HDAC9: variants seen among roughly 807,000 people sequenced by gnomAD.
HDAC9 encodes the protein histone deacetylase 9.
Under a neutral mutation model 139.4 loss-of-function variants are expected in HDAC9, and 41 were observed. The ratio of observed to expected loss-of-function variants is 0.29; its 90% confidence interval spans 0.23 to 0.38. The LOEUF is 0.38. Among genes scored for constraint, HDAC9 ranks in the 10% least tolerant of loss-of-function variants. The pLI is 1.00. For missense variants in HDAC9, 1,147 were observed against 1,297.0 expected (o/e 0.88, Z 1.78); for synonymous variants, 517 against 476.2 (o/e 1.09, Z -1.12).
At chr7:18,424,707 G>A (rs921578879) in intron 1 of HDAC9, among the ~76,000 whole-genome samples, 4 of 152,152 alleles carry the variant, frequency 2.6e-5, no homozygotes, top group Non-Finnish European at 5.9e-5. Context: ...TCAGGAGTTT[G>A]AGGCCAGCCA....
At chr7:18,284,637 C>T (rs959689180) in intron 2 of HDAC9, among the ~76,000 whole-genome samples, 17 of 151,964 alleles carry the variant, frequency 1.1e-4, no homozygotes, top group Non-Finnish European at 1.9e-4. Context: ...AGAACTTGGC[C>T]GATTTATCTA....
intron 6 of HDAC9, among the ~76,000 whole-genome samples, chr7:18,596,413 T>C (rs1832512647): frequency 6.6e-6 from 1 of 152,130 alleles, no homozygotes; most frequent in African/African-American, 2.4e-5. Context: ...ATAATCCATT[T>C]GGTGTATTTC....
intron 1 of HDAC9, among the ~76,000 whole-genome samples, chr7:18,364,630 C>T (rs1449508449): frequency 6.6e-6 from 1 of 151,990 alleles, no homozygotes; most frequent in East Asian, 1.9e-4. Flanking sequence ...CCCCAAAGCC[C>T]CAGGAATCTA....
At chr7:18,279,652 G>A (rs913285966) in intron 2 of HDAC9, among the ~76,000 whole-genome samples, 2 of 151,872 alleles carry the variant, frequency 1.3e-5, no homozygotes, top group African/African-American at 4.8e-5. Context: ...TTTTAGTAGA[G>A]ATGGGATTTC....
At chr7:18,649,752 T>A (rs1458456138) in intron 11 of HDAC9, among the ~76,000 whole-genome samples, 1 of 152,124 alleles carries the variant, frequency 6.6e-6, no homozygotes, top group Non-Finnish European at 1.5e-5. Context: ...TCTCTTCTTT[T>A]GGCCTCCATC....
At chr7:18,140,773 AAT>A (rs964380177) in intron 1 of HDAC9, among the ~76,000 whole-genome samples, 40 of 151,360 alleles carry the variant, frequency 2.6e-4, no homozygotes, top group African/African-American at 6.0e-4. Flanking sequence ...ATATACACTG[AAT>A]ATATATATAT....
At chr7:18,652,758 A>C (rs1283901317) in intron 11 of HDAC9, among the ~76,000 whole-genome samples, 1 of 152,038 alleles carries the variant, frequency 6.6e-6, no homozygotes, top group African/African-American at 2.4e-5. Flanking sequence ...CCATAAGAGC[A>C]GGAATTTTAA....
intron 1 of HDAC9, among the ~76,000 whole-genome samples, chr7:18,402,034 C>T (rs889759279): frequency 4.6e-5 from 7 of 152,230 alleles, no homozygotes; most frequent in African/African-American, 1.4e-4. Flanking sequence ...ATTCTTTTCT[C>T]AATAATCTAT....
chr7:18,426,412 A>T (rs1186298427), intron 1 of HDAC9, among the ~76,000 whole-genome samples: 1 of 152,222 alleles, frequency 6.6e-6, no homozygotes, highest in Non-Finnish European at 1.5e-5. Context: ...TACAATAACA[A>T]TGATACTTAA....
At chr7:18,217,228 A>G (rs770214624) in intron 2 of HDAC9, among the ~76,000 whole-genome samples, 1 of 152,058 alleles carries the variant, frequency 6.6e-6, no homozygotes, top group Non-Finnish European at 1.5e-5. Flanking sequence ...AATATTCTTT[A>G]TAATTCTTTT....
At chr7:18,819,443 A>G (rs955547112) in intron 17 of HDAC9, among the ~76,000 whole-genome samples, 1 of 152,334 alleles carries the variant, frequency 6.6e-6, no homozygotes, top group Non-Finnish European at 1.5e-5. Flanking sequence ...AAATTTGCCC[A>G]GAAAATGTGA....
chr7:18,198,547 A>G (rs964308168), intron 2 of HDAC9, among the ~76,000 whole-genome samples: 1 of 152,166 alleles, frequency 6.6e-6, no homozygotes, highest in Non-Finnish European at 1.5e-5. Flanking sequence ...AACATCATAC[A>G]ATCTCACAAT....
intron 1 of HDAC9, among the ~76,000 whole-genome samples, chr7:18,160,867 C>T (rs1343835382): frequency 6.6e-6 from 1 of 152,108 alleles, no homozygotes; most frequent in Non-Finnish European, 1.5e-5. Context: ...ATGCACCCAC[C>T]TTGGTCTCCC....
chr7:18,780,251 C>T (rs1377999368), intron 16 of HDAC9, among the ~76,000 whole-genome samples: 1 of 152,038 alleles, frequency 6.6e-6, no homozygotes, highest in Non-Finnish European at 1.5e-5. Flanking sequence ...TTATTGTCTT[C>T]TCTGGGGATC....
rs569134943 is a variant in HDAC9, at chr7:18,298,500, G to C, written c.-42+7985G>C. ...CTTCCTGTGTCCATGTGATCTCATTGTTCAATTCCCACCTATGAGTGAGAA... is the reference window on the plus strand; with the variant it reads ...CTTCCTGTGTCCATGTGATCTCATTCTTCAATTCCCACCTATGAGTGAGAA... On this transcript the variant is annotated intron_variant, in intron 1 of 3. Transcript: ENST00000413509. 6.9e-4 allele frequency among the ~76,000 whole-genome samples: 105 copies of C among 151,760 alleles called. No homozygotes were observed. The Middle Eastern group carries it at 0.017, about 25-fold the overall frequency.
intron 1 of HDAC9, among the ~76,000 whole-genome samples, chr7:18,462,060 ATCTC>A (rs1280706092): frequency 6.6e-6 from 1 of 152,086 alleles, no homozygotes; most frequent in Non-Finnish European, 1.5e-5. Context: ...AATACTATCT[ATCTC>A]CTTTAAATAG....
At chr7:18,683,349 C>A (rs1242780884) in intron 12 of HDAC9, among the ~76,000 whole-genome samples, 1 of 151,882 alleles carries the variant, frequency 6.6e-6, no homozygotes, top group Non-Finnish European at 1.5e-5. Flanking sequence ...AAGCACAAAA[C>A]CTGCACCAGT....
At chr7:18,225,277 A>G (rs1225973810) in intron 2 of HDAC9, among the ~76,000 whole-genome samples, 13 of 152,202 alleles carry the variant, frequency 8.5e-5, no homozygotes, top group Admixed American at 8.5e-4. Flanking sequence ...TGCCAAAATG[A>G]CCACATGCTT....
At chr7:18,496,191 A>G (rs775503487) in intron 1 of HDAC9, 71 bp from the exon 2 acceptor site, 2 of 1,539,056 alleles carry the variant, frequency 1.3e-6, no homozygotes, top group Non-Finnish European at 1.8e-6. Flanking sequence ...TGAATGTTTC[A>G]TGTAGCTGAA....
Sources: allele counts gnomAD v4.1 joint callset (sites outside exome capture counted in the v4.1 genomes callset), GRCh38; gene constraint gnomAD v4.1.1; transcripts MANE v1.5; gene names NCBI Gene and HGNC (gene_info 2026-07-23, HGNC 2026-07-21).